Variants in PPIF observed in about 807,000 individuals in gnomAD.
The protein encoded by PPIF is peptidylprolyl isomerase F.
In PPIF, 23 loss-of-function variants were observed where a neutral mutation model predicts 20.2. The ratio of observed to expected loss-of-function variants is 1.14; its 90% CI spans 0.82 to 1.61. The LOEUF is 1.61. PPIF is among the 40% of genes most tolerant of loss of function. The probability of loss-of-function intolerance (pLI) is 0.00; values close to 1 mark genes in which losing one functional copy is unlikely to be tolerated. For missense variants in PPIF, 287 were observed against 291.6 expected, an observed-to-expected ratio of 0.98 and a Z score of 0.11; for synonymous variants, 113 against 123.1, an observed-to-expected ratio of 0.92 and a Z score of 0.54.
rs988124282 is a variant in PPIF at position 79,347,492 on chromosome 10, A to G, written c.-57A>G. 3.2e-6 allele frequency: 4 copies of G among 1,253,924 alleles called. No individual in the cohort carries two copies. The highest frequency in any genetic ancestry group is 4.0e-6 in the Non-Finnish European group (4 of 1,000,180). The allele number at this position is 1,253,924 out of a possible 1,614,324, so 77.7% of individuals were successfully genotyped here. A position where few individuals can be genotyped will look rare whatever the true frequency, so the allele number is the denominator to read the frequency against. On this transcript the variant is annotated 5_prime_UTR_variant, in exon 1 of 6. Transcript: ENST00000225174. Reference sequence around the variant, plus strand: ...GGACTCGGCCTTCTGGGCGCGCGCGACGTCAGTTTGAGTTCTGTGTTCTCC... The same window carrying G: ...GGACTCGGCCTTCTGGGCGCGCGCGGCGTCAGTTTGAGTTCTGTGTTCTCC...
chr10:79,352,469 C>T, intron 5 of PPIF, 77 bp downstream of exon 5: 1 of 1,475,460 alleles, frequency 6.8e-7, no homozygotes, highest in Non-Finnish European at 9.5e-7. Flanking sequence ...CTTTTAGGGG[C>T]AGGCAGTTTA....
intron 2 of PPIF, among the ~76,000 whole-genome samples, 160 bp from the exon 3 acceptor site, chr10:79,349,505 C>T (rs1306144838): frequency 1.3e-5 from 2 of 152,230 alleles, no homozygotes; most frequent in African/African-American, 4.8e-5. Context: ...GTGACTTGTC[C>T]AGTTACATAG....
At position 79,355,299 on chromosome 10, in the gene PPIF, A is replaced by G. The variant is rs1422581300; in HGVS notation, c.*1457A>G. ...GCACCATGCTTCCTGTACATCCTGC[A>G]GAACCATAAGCCAATTAAACCTTTT... On this transcript the variant is annotated 3_prime_UTR_variant, in exon 6 of 6. Transcript: ENST00000225174. 1 of 152,252 alleles carries G rather than the reference A, an allele frequency of 6.6e-6. No homozygotes were observed. The highest frequency in any genetic ancestry group is 1.5e-5 in the Non-Finnish European group (1 of 68,052). The allele number at this position is 152,252 out of a possible 1,614,324, so 9.4% of individuals were successfully genotyped here. A position where few individuals can be genotyped will look rare whatever the true frequency, so the allele number is the denominator to read the frequency against.
At chr10:79,350,833 C>T (rs111456847) in intron 3 of PPIF, among the ~76,000 whole-genome samples, 1,787 of 152,354 alleles carry the variant, frequency 0.012, 17 homozygotes, top group Non-Finnish European at 0.018. Context: ...CGGATCCCAT[C>T]TCAGGAAAAC....
In PPIF at chr10:79,353,816, A is replaced by T; in HGVS notation, c.598A>T (p.Ile200Phe). The part of the protein sequence containing the change: ...KSGRTSKKIV[I>F]TDCGQLS ...TGGGAGGACATCCAAGAAGATTGTC[A>T]TCACAGACTGTGGCCAGTTGAGCTA... Residue 200 changes from isoleucine (I) to phenylalanine (F), a missense_variant, in exon 6 of 6, where the codon ATC (isoleucine) becomes TTC (phenylalanine). Transcript: ENST00000225174. 2 of 1,614,260 alleles carry T rather than the reference A, an allele frequency of 1.2e-6. No individual in the cohort carries two copies. Among genetic ancestry groups the T allele is most frequent in the Non-Finnish European group, 1.7e-6 (2 of 1,180,038 alleles).
intron 5 of PPIF, 167 bp from the exon 6 acceptor site, chr10:79,353,540 T>G: frequency 2.3e-5 from 27 of 1,199,200 alleles, no homozygotes; most frequent in Non-Finnish European, 2.3e-5. Context: ...CTGGGGTGTA[T>G]TTGGGGCGCT....
In PPIF at chr10:79,352,395, G is replaced by A. The variant is rs754567141; in HGVS notation, c.488+3G>A. On this transcript the variant is annotated splice_donor_region_variant and intron_variant, in intron 5 of 5. Transcript: ENST00000225174. ...ATCTGCACCATAAAGACAGACTGGT[G>A]AGTTCCCTGCCCCAGGCCCTCTGGG... 4 of 1,613,220 alleles carry A rather than the reference G, an allele frequency of 2.5e-6. No homozygotes were observed. The African/African-American group carries it at 5.3e-5, about 22-fold the overall frequency.
At chr10:79,353,637 A>T (rs1358579676) in intron 5 of PPIF, 70 bp from the exon 6 acceptor site, 3 of 1,610,870 alleles carry the variant, frequency 1.9e-6, no homozygotes, top group Non-Finnish European at 1.7e-6. Flanking sequence ...AACTAATTCC[A>T]TGACCAGGTC....
At chr10:79,349,410 C>T (rs911192429) in intron 2 of PPIF, among the ~76,000 whole-genome samples, 1 of 152,234 alleles carries the variant, frequency 6.6e-6, no homozygotes, top group Non-Finnish European at 1.5e-5. Context: ...GGCACACAGC[C>T]CTTGAGTCCG....
chr10:79,349,403 A>G (rs1855947891), intron 2 of PPIF, among the ~76,000 whole-genome samples: 1 of 152,264 alleles, frequency 6.6e-6, no homozygotes, highest in African/African-American at 2.4e-5. Context: ...GGTGATGGGC[A>G]CACAGCCCTT....
chr10:79,348,778 G>A (rs1379115974), intron 1 of PPIF, among the ~76,000 whole-genome samples: 1 of 152,130 alleles, frequency 6.6e-6, no homozygotes, highest in African/African-American at 2.4e-5. Context: ...TGATGCTTTG[G>A]GCCCAGCTGT....
At chr10:79,348,805 G>C (rs1855936846) in intron 1 of PPIF, among the ~76,000 whole-genome samples, 1 of 152,218 alleles carries the variant, frequency 6.6e-6, no homozygotes, top group Non-Finnish European at 1.5e-5. Flanking sequence ...ACTGCCAGCT[G>C]TGTCCACAGA....
rs1261861665 is a variant in PPIF, at chr10:79,350,887, G to A, written c.316-600G>A. Among the ~76,000 whole-genome samples, 3 of 152,232 alleles carry A rather than the reference G, an allele frequency of 2.0e-5. No individual in the cohort carries two copies. In the East Asian group the frequency reaches 5.8e-4, roughly 29 times the overall value. ...GGGCTGGGCAGCGCTAGGCATAGGG[G>A]CTGCTACCAGGCTCTTCTGGCCATG... On this transcript the variant is annotated intron_variant, in intron 3 of 5. Transcript: ENST00000225174.
At chr10:79,351,306 CTT>C (rs372514155) in intron 3 of PPIF, among the ~76,000 whole-genome samples, 179 bp from the exon 4 acceptor site, 6 of 139,530 alleles carry the variant, frequency 4.3e-5, no homozygotes, top group Admixed American at 7.1e-5. Flanking sequence ...TAAGTTTTGT[CTT>C]TTTTTTTTTT....
chr10:79,349,200 A>G (rs2233718), intron 2 of PPIF, 94 bp downstream of exon 2: 769,113 of 1,607,130 alleles, frequency 0.48, 187,401 homozygotes, highest in East Asian at 0.66. Flanking sequence ...GTCGGGGCTC[A>G]GAGACCCCTG....
At chr10:79,347,860 TC>T (rs1329263750) in intron 1 of PPIF, 117 bp downstream of exon 1, 2 of 1,221,064 alleles carry the variant, frequency 1.6e-6, no homozygotes, top group Non-Finnish European at 2.0e-6. Flanking sequence ...CATGCCGAGC[TC>T]TGGGCCTCAG....
chr10:79,347,505 T>G lies in PPIF; in HGVS notation c.-44T>G. 7.9e-7 allele frequency: 1 copy of G among 1,270,874 alleles called. No individual in the cohort carries two copies. Among genetic ancestry groups the G allele is most frequent in the Non-Finnish European group, 9.9e-7 (1 of 1,011,442 alleles). The allele number at this position is 1,270,874 out of a possible 1,614,324, so 78.7% of individuals were successfully genotyped here. ...TGGGCGCGCGCGACGTCAGTTTGAG[T>G]TCTGTGTTCTCCCCGCCCGTGTCCC... On this transcript the variant is annotated 5_prime_UTR_variant, in exon 1 of 6. Transcript: ENST00000225174.
chr10:79,349,027 C>T lies in PPIF; in HGVS notation c.196-49C>T, dbSNP rs556362965. ...GGGTGCTGAGAGACACCCACCTTCA[C>T]CTGCCTCTCCAATGACCATCCTCTT... On this transcript the variant is annotated intron_variant, in intron 1 of 5. Coordinates refer to ENST00000225174, the MANE Select transcript of PPIF (RefSeq NM_005729.4). The T allele has an allele frequency of 5.0e-6, 8 of 1,613,582 alleles. No individual in the cohort carries two copies. The Admixed American group carries it at 8.3e-5, about 17-fold the overall frequency.
At position 79,349,061 on chromosome 10, in the gene PPIF, C is replaced by T. The variant is rs1330113347; in HGVS notation, c.196-15C>T. The T allele has an allele frequency of 6.2e-7, 1 of 1,613,958 alleles. No individual in the cohort carries two copies. The highest frequency in any genetic ancestry group is 8.5e-7 in the Non-Finnish European group (1 of 1,179,988). ...CCAATGACCATCCTCTTTTGTCCTTCTTCTCCCCCAACAGCTGAAGGCAGA... is the reference window on the plus strand; with the variant it reads ...CCAATGACCATCCTCTTTTGTCCTTTTTCTCCCCCAACAGCTGAAGGCAGA... On this transcript the variant is annotated splice_polypyrimidine_tract_variant and intron_variant, in intron 1 of 5. Transcript: ENST00000225174.
Sources: allele counts gnomAD v4.1 joint callset (sites outside exome capture counted in the v4.1 genomes callset), GRCh38; gene constraint gnomAD v4.1.1; transcripts MANE v1.5; gene names NCBI Gene and HGNC (gene_info 2026-07-23, HGNC 2026-07-21).